CATSPERB: variants seen among roughly 807,000 people sequenced by gnomAD.
CATSPERB encodes the protein catsper channel auxiliary subunit beta.
In CATSPERB, 93 loss-of-function variants were observed where a neutral mutation model predicts 128.3. That is an observed-to-expected ratio of 0.72 (90% CI 0.61 to 0.86). The LOEUF (loss-of-function observed/expected upper bound fraction) is 0.86, where lower values mean the gene tolerates loss of function less well. Among genes scored for constraint, CATSPERB ranks in the 40% least tolerant of loss-of-function variants. The probability of loss-of-function intolerance (pLI) is 0.00; values close to 1 mark genes in which losing one functional copy is unlikely to be tolerated. For missense variants in CATSPERB, 1,153 were observed against 1,329.5 expected (o/e 0.87, Z 2.06); for synonymous variants, 381 against 448.8 (o/e 0.85, Z 1.91).
chr14:91,715,231 T>C (rs1895917430), intron 5 of CATSPERB: 1 of 152,094 alleles, frequency 6.6e-6, no homozygotes. Flanking sequence ...AGAGACACAG[T>C]GTCTTCATGG....
intron 5 of CATSPERB, among the ~76,000 whole-genome samples, chr14:91,716,640 CT>C (rs1462823717): frequency 6.6e-6 from 1 of 151,578 alleles, no homozygotes; most frequent in Non-Finnish European, 1.5e-5. Context: ...TGCCACTACA[CT>C]TTTTTTTAGA....
At chr14:91,662,918 T>C in intron 14 of CATSPERB, among the ~76,000 whole-genome samples, 1 of 152,232 alleles carries the variant, frequency 6.6e-6, no homozygotes, top group Non-Finnish European at 1.5e-5. Context: ...AGAAATTCTT[T>C]ATATATTCTT....
At chr14:91,708,756 A>G (rs1173099181) in intron 5 of CATSPERB, among the ~76,000 whole-genome samples, 2 of 152,280 alleles carry the variant, frequency 1.3e-5, no homozygotes, top group Non-Finnish European at 2.9e-5. Flanking sequence ...ATAACTATCC[A>G]TATCAACAAT....
At position 91,589,683 on chromosome 14, in the gene CATSPERB, T is replaced by A. The variant is rs1595136359; in HGVS notation, c.2821-14A>T. On this transcript the variant is annotated splice_polypyrimidine_tract_variant and intron_variant, in intron 23 of 26. Coordinates refer to ENST00000256343, the MANE Select transcript of CATSPERB (RefSeq NM_024764.4). ...AAAGCGAGGAACCTAAAATACAAATTCCAAGAATGAATGTAAACTTGGGAA... is the reference window on the plus strand; with the variant it reads ...AAAGCGAGGAACCTAAAATACAAATACCAAGAATGAATGTAAACTTGGGAA... 2 of 1,607,804 alleles carry A rather than the reference T, an allele frequency of 1.2e-6. No individual in the cohort carries two copies. The highest frequency in any genetic ancestry group is 2.2e-5 in the East Asian group (1 of 44,768).
At chr14:91,584,110 G>C (rs762867732) in intron 26 of CATSPERB, among the ~76,000 whole-genome samples, 1 of 151,864 alleles carries the variant, frequency 6.6e-6, no homozygotes, top group Non-Finnish European at 1.5e-5. Flanking sequence ...TGTCGCCCAG[G>C]CTGGATGAAG....
chr14:91,612,309 T>TA (rs1445620686), intron 20 of CATSPERB, among the ~76,000 whole-genome samples: 4 of 152,090 alleles, frequency 2.6e-5, no homozygotes, highest in African/African-American at 7.2e-5. Context: ...TGCAAATAAC[T>TA]AAAAAAATTT....
At chr14:91,708,078 G>C in intron 6 of CATSPERB, 63 bp downstream of exon 6, 1 of 1,051,644 alleles carries the variant, frequency 9.5e-7, no homozygotes, top group Admixed American at 1.7e-5. Flanking sequence ...GGCATATAGC[G>C]GATGTCAAAG....
chr14:91,726,667 C>T (rs1896124915), intron 2 of CATSPERB, among the ~76,000 whole-genome samples: 2 of 152,076 alleles, frequency 1.3e-5, no homozygotes, highest in African/African-American at 2.4e-5. Flanking sequence ...GAAGTTTTTG[C>T]CTTTGTTAGA....
At chr14:91,606,132 C>T (rs993056002) in intron 22 of CATSPERB, among the ~76,000 whole-genome samples, 5 of 151,862 alleles carry the variant, frequency 3.3e-5, no homozygotes, top group Non-Finnish European at 5.9e-5. Context: ...GCCAAGATCG[C>T]GCCACTGTAC....
At chr14:91,700,718 C>T (rs1895633778) in intron 7 of CATSPERB, among the ~76,000 whole-genome samples, 1 of 152,124 alleles carries the variant, frequency 6.6e-6, no homozygotes. Context: ...AGTGAATTAA[C>T]ACAGGCAACA....
chr14:91,585,359 T>C (rs1211329539), intron 26 of CATSPERB, among the ~76,000 whole-genome samples: 1 of 152,220 alleles, frequency 6.6e-6, no homozygotes, highest in Non-Finnish European at 1.5e-5. Flanking sequence ...GACCTTCTGA[T>C]ACTGTCACAC....
chr14:91,626,100 G>A (rs774742304), intron 17 of CATSPERB, among the ~76,000 whole-genome samples: 1 of 152,120 alleles, frequency 6.6e-6, no homozygotes, highest in Non-Finnish European at 1.5e-5. Flanking sequence ...ACTCCAGCGT[G>A]GGTGACAGAG....
chr14:91,581,543 G>C (rs1893207459), intron 26 of CATSPERB, among the ~76,000 whole-genome samples: 1 of 152,234 alleles, frequency 6.6e-6, no homozygotes, highest in Admixed American at 6.5e-5. Flanking sequence ...ATTCCAGGTA[G>C]AGGCATATGT....
intron 20 of CATSPERB, among the ~76,000 whole-genome samples, chr14:91,612,618 A>G (rs1293384073): frequency 6.6e-6 from 1 of 152,238 alleles, no homozygotes; most frequent in African/African-American, 2.4e-5. Flanking sequence ...TCTATTTACA[A>G]TTCTGAAGTA....
intron 11 of CATSPERB, among the ~76,000 whole-genome samples, chr14:91,674,953 G>A (rs1279472884): frequency 6.6e-6 from 1 of 152,216 alleles, no homozygotes; most frequent in Non-Finnish European, 1.5e-5. Flanking sequence ...CTAAAGTTTG[G>A]AATGGTCTTT....
rs1566732466 is a variant in CATSPERB, at chr14:91,691,528, C to T, written c.859G>A (p.Glu287Lys). The T allele has an allele frequency of 1.2e-6, 2 of 1,603,822 alleles. No individual in the cohort carries two copies. The highest frequency in any genetic ancestry group is 1.7e-6 in the Non-Finnish European group (2 of 1,174,968). ...GGAAATATAAAGCTTCTTACCCTTTCAAAACCACAAAAGTCTGCCCTGGAA... is the reference window on the plus strand; with the variant it reads ...GGAAATATAAAGCTTCTTACCCTTTTAAAACCACAAAAGTCTGCCCTGGAA... ...SFSRADFCGF[E>K]RVDYVKGKLW... Residue 287 changes from glutamate to lysine, a missense_variant, in exon 10 of 27, where the codon GAA becomes AAA. Coordinates refer to ENST00000256343, the MANE Select transcript of CATSPERB (RefSeq NM_024764.4).
intron 7 of CATSPERB, among the ~76,000 whole-genome samples, chr14:91,695,283 C>T (rs995715327): frequency 4.6e-5 from 7 of 152,200 alleles, no homozygotes; most frequent in South Asian, 2.1e-4. Flanking sequence ...GTGTGCACCA[C>T]CATGTCTGGC....
At chr14:91,636,632 A>T in intron 16 of CATSPERB, 53 bp from the exon 17 acceptor site, 4 of 1,422,172 alleles carry the variant, frequency 2.8e-6, no homozygotes, top group Non-Finnish European at 3.8e-6. Flanking sequence ...TACTTCAATT[A>T]TGACAAAATT....
intron 10 of CATSPERB, among the ~76,000 whole-genome samples, chr14:91,687,607 T>C (rs1012660795): frequency 6.6e-6 from 1 of 152,148 alleles, no homozygotes. Flanking sequence ...AGCCACCCAG[T>C]CTATGGTAAT....
Sources: allele counts gnomAD v4.1 joint callset (sites outside exome capture counted in the v4.1 genomes callset), GRCh38; gene constraint gnomAD v4.1.1; transcripts MANE v1.5; gene names NCBI Gene and HGNC (gene_info 2026-07-23, HGNC 2026-07-21).